PI16: variants seen among roughly 807,000 people sequenced by gnomAD.
PI16 encodes PSP94-binding protein.
PI16 carries 35 observed loss-of-function variants against 38.0 expected under a neutral mutation model. The observed-to-expected ratio is 0.92, with a 90% CI of 0.70 to 1.22. The LOEUF (loss-of-function observed/expected upper bound fraction) is 1.22, where lower values mean the gene tolerates loss of function less well. Among genes scored for constraint, PI16 ranks in the 50% most tolerant of loss-of-function variants. The pLI, the probability that PI16 is intolerant of heterozygous loss-of-function variation, is 0.00. For missense variants in PI16, 572 were observed against 593.8 expected (o/e 0.96, Z 0.38); for synonymous variants, 275 against 252.9 (o/e 1.09, Z -0.83).
chr6:36,954,558 T>C, upstream of PI16: 2 of 673,562 alleles, frequency 3.0e-6, no homozygotes, highest in Non-Finnish European at 4.7e-6. Context: ...AAGGAGGTTT[T>C]TGCCAAGGAC....
At position 36,956,766 on chromosome 6, in the gene PI16, G is replaced by A. The variant is rs546631685; in HGVS notation, c.171+1835G>A. Among the ~76,000 whole-genome samples, 6 of 152,288 alleles carry A rather than the reference G, an allele frequency of 3.9e-5. No individual in the cohort carries two copies. The South Asian group carries it at 1.2e-3, about 32-fold the overall frequency. On this transcript the variant is annotated intron_variant, in intron 1 of 6. Transcript: ENST00000373674. ...TGTAGGGTTAAGTGAGTGAATATGT[G>A]TAAAGCACTCAGAAGAATGCCTGGC...
At chr6:36,960,325 ATGTGTGTGTG>A (rs10664545) in intron 2 of PI16, among the ~76,000 whole-genome samples, 61 of 140,016 alleles carry the variant, frequency 4.4e-4, no homozygotes, top group Admixed American at 1.8e-3. Flanking sequence ...TGCAGATAAG[ATGTGTGTGTG>A]TGTGTGTGTG....
chr6:36,955,132 G>A (rs973270183), intron 1 of PI16, among the ~76,000 whole-genome samples: 4 of 151,930 alleles, frequency 2.6e-5, no homozygotes, highest in Non-Finnish European at 5.9e-5. Flanking sequence ...TTTTGCACCC[G>A]CCTAATAAAA....
At chr6:36,948,699 A>C (rs1583225702) in intron 1 of PI16, among the ~76,000 whole-genome samples, 27 of 50,952 alleles carry the variant, frequency 5.3e-4, no homozygotes, top group South Asian at 8.2e-4. Flanking sequence ...TCCTTTCCTT[A>C]CTGTCTCCCT....
Position 36,963,693 on chromosome 6 carries a change from TG to T in PI16, c.1270+83del, listed in dbSNP as rs1162025340. ...TGCCCCAGCATAGGTGGTATGAGCA[TG>T]GTGGGGCATGCACCCTCTGAGTAGG... On this transcript the variant is annotated intron_variant, in intron 5 of 6. Coordinates refer to ENST00000373674, the MANE Select transcript of PI16 (RefSeq NM_153370.3). 39 of 1,558,060 alleles carry T rather than the reference TG, an allele frequency of 2.5e-5. No homozygotes were observed. In the African/African-American group the frequency reaches 4.7e-4, roughly 19 times the overall value.
upstream of PI16, among the ~76,000 whole-genome samples, chr6:36,950,547 CTT>C (rs147981491): frequency 2.8e-5 from 4 of 145,026 alleles, no homozygotes; most frequent in Non-Finnish European, 3.0e-5. The surrounding 1 kb of genome is among the most constrained non-coding windows in gnomAD (Gnocchi z 4.2). Context: ...TGAGTCCCTG[CTT>C]TTTTTTTTTT....
At chr6:36,948,624 T>TCCCTCCC (rs1763049334) in intron 1 of PI16, among the ~76,000 whole-genome samples, 4 of 101,546 alleles carry the variant, frequency 3.9e-5, no homozygotes, top group East Asian at 4.5e-4. Flanking sequence ...TTTTTTTTCC[T>TCCCTCCC]TCCTTCCTCC....
At chr6:36,953,723 C>T (rs1014267566), upstream of PI16, among the ~76,000 whole-genome samples, 10 of 152,262 alleles carry the variant, frequency 6.6e-5, no homozygotes, top group South Asian at 2.1e-4. Flanking sequence ...CTTCATGAAC[C>T]GGTCATGGCC....
upstream of PI16, among the ~76,000 whole-genome samples, chr6:36,950,257 T>C (rs1487814392): frequency 6.6e-6 from 1 of 152,204 alleles, no homozygotes; most frequent in Admixed American, 6.5e-5. This position sits in a 1 kb window ranked among gnomAD's most constrained non-coding sequence, Gnocchi z 4.2. Context: ...ATTTGCCTAC[T>C]CTAGCTAGGT....
chr6:36,961,847 T>C (rs749586432), intron 3 of PI16, 39 bp from the exon 4 acceptor site: 38 of 1,535,038 alleles, frequency 2.5e-5, no homozygotes, highest in Non-Finnish European at 3.3e-5. Context: ...TTGGGAGGGG[T>C]CGACCCCCTC....
rs749152707 is a variant in PI16, at chr6:36,954,931, G to C, written c.171G>C (p.Met57Ile). ...CGACGGCCTCAGACATGCTGCACAT[G>C]GTAAGTGTGGCCACGGCCCTTGCTG... ...VSPTASDMLH[M>I]RWDEELAAFA... Residue 57 changes from methionine (M) to isoleucine (I), a missense_variant and splice_region_variant, in exon 1 of 7, where the codon ATG becomes ATC. Met to Ile is a conservative substitution (Grantham distance 10, BLOSUM62 1). Coordinates refer to ENST00000373674, the MANE Select transcript of PI16 (RefSeq NM_153370.3). 1 of 1,612,376 alleles carries C rather than the reference G, an allele frequency of 6.2e-7. No individual in the cohort carries two copies. Among genetic ancestry groups the C allele is most frequent in the South Asian group, 1.1e-5 (1 of 90,968 alleles).
chr6:36,956,617 A>G (rs1192894954), intron 1 of PI16, among the ~76,000 whole-genome samples: 6 of 152,186 alleles, frequency 3.9e-5, no homozygotes, highest in African/African-American at 1.4e-4. Context: ...CCTGGGTTCA[A>G]ATCTTAGCTT....
intron 5 of PI16, 43 bp downstream of exon 5, chr6:36,963,655 A>T (rs531802236): frequency 1.3e-6 from 2 of 1,593,044 alleles, no homozygotes; most frequent in Non-Finnish European, 1.7e-6. Flanking sequence ...CTGGCTCTGG[A>T]ATGTCAGTAT....
At chr6:36,948,467 A>G (rs1763045951) in intron 1 of PI16, 1 of 152,154 alleles carries the variant, frequency 6.6e-6, no homozygotes, top group Non-Finnish European at 1.5e-5. Flanking sequence ...TAATGTTTTA[A>G]AAGTTTTTAG....
Position 36,963,948 on chromosome 6 carries a change from G to A in PI16, c.*4G>A. The A allele has an allele frequency of 6.2e-7, 1 of 1,610,036 alleles. No individual in the cohort carries two copies. The stretch of plus-strand genomic sequence containing the variant: ...GGTGTTGGCTGGAATCTTCTGAAGG[G>A]GATACCACTCAAAGGCAAGGCCTGG... On this transcript the variant is annotated 3_prime_UTR_variant, in exon 6 of 7. Transcript: ENST00000373674.
rs746046895 is a variant in PI16 at position 36,963,320 on chromosome 6, A to G, written c.978A>G (p.Thr326=). The G allele has an allele frequency of 6.2e-7, 1 of 1,614,214 alleles. No homozygotes were observed. The highest frequency in any genetic ancestry group is 8.5e-7 in the Non-Finnish European group (1 of 1,180,040). ...CAGCAGACAAAGTGACAGACAAAAC[A>G]AAAGTGCCCTCTAGGAGCCCAGAGA... The part of the protein sequence containing the change: ...PKSADKVTDK[T]KVPSRSPENS... The change falls in exon 5 of 7, where the codon ACA becomes ACG. Residue 326 remains threonine, a synonymous_variant. Coordinates refer to ENST00000373674, the MANE Select transcript of PI16 (RefSeq NM_153370.3).
rs1763360425 is a variant in PI16 at position 36,961,363 on chromosome 6, C to T, written c.394-88C>T. The T allele has an allele frequency of 7.7e-6, 9 of 1,163,404 alleles. No individual in the cohort carries two copies. The Admixed American group carries it at 1.4e-4, about 18-fold the overall frequency. The allele number at this position is 1,163,404 out of a possible 1,614,324, so 72.1% of individuals were successfully genotyped here. The stretch of plus-strand genomic sequence containing the variant: ...CAGGCTATAGGGTGCCTCTTCTCTC[C>T]ACTCCTGTAAGGCAGGTGTAGTGGG... On this transcript the variant is annotated intron_variant, in intron 2 of 6. Transcript: ENST00000373674.
Position 36,963,973 on chromosome 6 carries a change from G to A in PI16, c.*18+11G>A, listed in dbSNP as rs1348407961. 6.2e-7 allele frequency: 1 copy of A among 1,600,072 alleles called. No individual in the cohort carries two copies. Among genetic ancestry groups the A allele is most frequent in the Non-Finnish European group, 8.5e-7 (1 of 1,174,234 alleles). ...GGATACCACTCAAAGGCAAGGCCTGGTGAGGGGGGCCCTGGCCTCATACCC... is the reference window on the plus strand; with the variant it reads ...GGATACCACTCAAAGGCAAGGCCTGATGAGGGGGGCCCTGGCCTCATACCC... On this transcript the variant is annotated intron_variant, in intron 6 of 6. Transcript: ENST00000373674.
At chr6:36,949,684 C>G (rs1007982827) in intron 1 of PI16, among the ~76,000 whole-genome samples, 9 of 152,202 alleles carry the variant, frequency 5.9e-5, no homozygotes, top group African/African-American at 1.7e-4. Context: ...CCCTCTACCC[C>G]CTAAGTCTTC....
Sources: allele counts gnomAD v4.1 joint callset (sites outside exome capture counted in the v4.1 genomes callset), GRCh38; gene constraint gnomAD v4.1.1; non-coding constraint Gnocchi (gnomAD v3.1); transcripts MANE v1.5; gene names NCBI Gene and HGNC (gene_info 2026-07-23, HGNC 2026-07-21).